Variants in TMEM132D observed in about 807,000 individuals in gnomAD.
TMEM132D encodes the protein transmembrane protein 132D, also known as mature OL transmembrane protein.
Under a neutral mutation model 62.3 loss-of-function variants are expected in TMEM132D, and 21 were observed. The observed-to-expected ratio is 0.34, with a 90% CI of 0.24 to 0.49. TMEM132D has a LOEUF of 0.49. Ranked by LOEUF, TMEM132D falls within the 20% of genes least tolerant of loss-of-function variation. The pLI, the probability that TMEM132D is intolerant of heterozygous loss-of-function variation, is 0.99. For missense variants in TMEM132D, 1,346 were observed against 1,402.8 expected, an observed-to-expected ratio of 0.96 and a Z score of 0.65; for synonymous variants, 621 against 575.6, an observed-to-expected ratio of 1.08 and a Z score of -1.13.
chr12:129,643,669 C>A (rs959512010), intron 2 of TMEM132D, among the ~76,000 whole-genome samples: 1 of 152,194 alleles, frequency 6.6e-6, no homozygotes, highest in African/African-American at 2.4e-5. Flanking sequence ...ATTCAAAGTC[C>A]CCCCTCTGCT....
chr12:129,321,925 A>C (rs1868729948), intron 4 of TMEM132D, among the ~76,000 whole-genome samples: 1 of 152,202 alleles, frequency 6.6e-6, no homozygotes, highest in South Asian at 2.1e-4. Flanking sequence ...TGTCGGACAC[A>C]CAGATATGTC....
chr12:129,373,548 C>T (rs966708866), intron 3 of TMEM132D, among the ~76,000 whole-genome samples: 10 of 152,074 alleles, frequency 6.6e-5, no homozygotes, highest in Non-Finnish European at 1.0e-4. Context: ...AGGAGAATGG[C>T]GTGAACCCGG....
At position 129,084,550 on chromosome 12, in the gene TMEM132D, G is replaced by C. The variant is rs764607310; in HGVS notation, c.1596C>G (p.Asp532Glu). The change falls in exon 6 of 9, where the codon GAC (aspartate) becomes GAG (glutamate). Residue 532 changes from aspartate (D) to glutamate (E), a missense_variant. Asp to Glu is a conservative substitution (Grantham distance 45). Coordinates refer to ENST00000422113, the MANE Select transcript of TMEM132D (RefSeq NM_133448.3). ...AACCCTTGATCTGATTGAGCTCGGT[G>C]TCGGAGACCTCGATCTGCAGCGGAA... The part of the protein sequence containing the change: ...PRLPLQIEVS[D>E]TELNQIKGWR... 11 of 1,613,422 alleles carry C rather than the reference G, an allele frequency of 6.8e-6. No individual in the cohort carries two copies. Among genetic ancestry groups the C allele is most frequent in the Non-Finnish European group, 9.3e-6 (11 of 1,179,718 alleles).
At chr12:129,684,165 T>C (rs1199429871) in intron 2 of TMEM132D, among the ~76,000 whole-genome samples, 2 of 152,208 alleles carry the variant, frequency 1.3e-5, no homozygotes, top group African/African-American at 4.8e-5. Flanking sequence ...AGATATGGTT[T>C]GTCTGTGTCC....
chr12:129,809,623 C>T (rs1258444690), intron 1 of TMEM132D, among the ~76,000 whole-genome samples: 3 of 152,148 alleles, frequency 2.0e-5, no homozygotes, highest in Non-Finnish European at 4.4e-5. Context: ...TCTGACCTTA[C>T]TCTAGCTCAT....
chr12:129,478,089 C>T (rs1438239043), intron 3 of TMEM132D, among the ~76,000 whole-genome samples: 1 of 152,106 alleles, frequency 6.6e-6, no homozygotes, highest in East Asian at 1.9e-4. Flanking sequence ...ATGATAAGTA[C>T]TTGTCTATCT....
chr12:129,289,049 T>C (rs971661781), intron 4 of TMEM132D, among the ~76,000 whole-genome samples: 5 of 152,128 alleles, frequency 3.3e-5, no homozygotes, highest in African/African-American at 7.2e-5. Flanking sequence ...GTCTCTAAAA[T>C]AGTCAAACTC....
At chr12:129,146,750 G>C (rs529508966) in intron 5 of TMEM132D, among the ~76,000 whole-genome samples, 1 of 152,102 alleles carries the variant, frequency 6.6e-6, no homozygotes, top group East Asian at 1.9e-4. Flanking sequence ...GCCTATGTTT[G>C]ACCTTTTCTG....
Position 129,867,896 on chromosome 12 carries a change from T to C in TMEM132D, c.79+35365A>G, listed in dbSNP as rs1874105709. 6.6e-6 allele frequency among the ~76,000 whole-genome samples: 1 copy of C among 152,206 alleles called. No individual in the cohort carries two copies. The highest frequency in any genetic ancestry group is 2.4e-5 in the African/African-American group (1 of 41,452). ...GGAGCAGAAGAAACTTCTAGGGCAATGGAAATGTCTGTGTCTCTACTAAGA... is the reference window on the plus strand; with the variant it reads ...GGAGCAGAAGAAACTTCTAGGGCAACGGAAATGTCTGTGTCTCTACTAAGA... On this transcript the variant is annotated intron_variant, in intron 1 of 8. Transcript: ENST00000422113. This position sits in a 1 kb window ranked among gnomAD's most constrained non-coding sequence, Gnocchi z 4.5.
At chr12:129,538,847 C>A (rs1365030119) in intron 2 of TMEM132D, among the ~76,000 whole-genome samples, 3 of 151,226 alleles carry the variant, frequency 2.0e-5, no homozygotes, top group African/African-American at 7.3e-5. Context: ...TCAGAAGGAG[C>A]GTTGGCTACT....
At chr12:129,249,236 T>A (rs1008966610) in intron 4 of TMEM132D, among the ~76,000 whole-genome samples, 45 of 152,332 alleles carry the variant, frequency 3.0e-4, no homozygotes, top group Non-Finnish European at 5.9e-4. Flanking sequence ...ATTGTAAATT[T>A]AAAAAATCAT....
chr12:129,845,230 C>A (rs947578306), intron 1 of TMEM132D, among the ~76,000 whole-genome samples: 1 of 152,074 alleles, frequency 6.6e-6, no homozygotes, highest in Admixed American at 6.5e-5. Flanking sequence ...GCTAATATCC[C>A]AGGGCTAACT....
At chr12:129,701,052 T>C (rs1881374560) in intron 1 of TMEM132D, among the ~76,000 whole-genome samples, 1 of 152,126 alleles carries the variant, frequency 6.6e-6, no homozygotes, top group Non-Finnish European at 1.5e-5. Flanking sequence ...TTAGCAAGTG[T>C]TAGAAAGCTG....
intron 5 of TMEM132D, among the ~76,000 whole-genome samples, chr12:129,183,748 C>A (rs926641321): frequency 6.6e-6 from 1 of 152,070 alleles, no homozygotes; most frequent in African/African-American, 2.4e-5. Flanking sequence ...TGGTGGCTGT[C>A]CCCTTGGGTA....
chr12:129,796,548 CA>C (rs537703498), intron 1 of TMEM132D, among the ~76,000 whole-genome samples: 1 of 151,518 alleles, frequency 6.6e-6, no homozygotes, highest in African/African-American at 2.4e-5. Context: ...TAGGCAGCCA[CA>C]AAAAAAAGAA....
At chr12:129,402,624 G>A (rs1489197604) in intron 3 of TMEM132D, among the ~76,000 whole-genome samples, 1 of 152,192 alleles carries the variant, frequency 6.6e-6, no homozygotes, top group Non-Finnish European at 1.5e-5. Flanking sequence ...AGGCTGGAGT[G>A]CAGTGGCGCA....
intron 4 of TMEM132D, among the ~76,000 whole-genome samples, chr12:129,214,779 T>C (rs762200076): frequency 6.6e-6 from 1 of 152,180 alleles, no homozygotes; most frequent in Non-Finnish European, 1.5e-5. Context: ...CCAGTCAGAA[T>C]AGCTATTATT....
chr12:129,344,823 T>A (rs1232435839), intron 3 of TMEM132D, among the ~76,000 whole-genome samples: 3 of 152,090 alleles, frequency 2.0e-5, no homozygotes, highest in Non-Finnish European at 2.9e-5. Flanking sequence ...CCGATTTCCG[T>A]CCGTCTGCTT....
chr12:129,719,083 GA>G (rs59987335), intron 1 of TMEM132D, among the ~76,000 whole-genome samples: 16 of 99,212 alleles, frequency 1.6e-4, no homozygotes, highest in East Asian at 7.8e-4. Context: ...CAAAAAAAAT[GA>G]AAAAAAAAAA....
Sources: allele counts gnomAD v4.1 joint callset (sites outside exome capture counted in the v4.1 genomes callset), GRCh38; gene constraint gnomAD v4.1.1; non-coding constraint Gnocchi (gnomAD v3.1); transcripts MANE v1.5; gene names NCBI Gene and HGNC (gene_info 2026-07-23, HGNC 2026-07-21).